The following TBC1D16 variants were observed in gnomAD, a reference collection of about 807,000 sequenced individuals.
The protein encoded by TBC1D16 is TBC1 domain family member 16.
In TBC1D16, 58 loss-of-function variants were observed where a neutral mutation model predicts 74.7. The observed-to-expected ratio is 0.78, with a 90% CI of 0.63 to 0.97. The LOEUF (loss-of-function observed/expected upper bound fraction) is 0.97, where lower values mean the gene tolerates loss of function less well. Ranked by LOEUF, TBC1D16 falls within the 50% of genes least tolerant of loss-of-function variation. The probability of loss-of-function intolerance (pLI) is 0.00; values close to 1 mark genes in which losing one functional copy is unlikely to be tolerated. For missense variants in TBC1D16, 1,014 were observed against 1,079.5 expected, an observed-to-expected ratio of 0.94 and a Z score of 0.85; for synonymous variants, 493 against 474.7, an observed-to-expected ratio of 1.04 and a Z score of -0.50.
intron 3 of TBC1D16, among the ~76,000 whole-genome samples, chr17:79,977,213 C>T (rs1180598692): frequency 6.6e-6 from 1 of 152,216 alleles, no homozygotes; most frequent in Non-Finnish European, 1.5e-5. Context: ...GCCTCCACCA[C>T]CCTCAGTAAG....
intron 1 of TBC1D16, among the ~76,000 whole-genome samples, chr17:80,029,320 C>T (rs1185182301): frequency 6.6e-6 from 1 of 152,094 alleles, no homozygotes; most frequent in Non-Finnish European, 1.5e-5. Flanking sequence ...AGGAGAGGGG[C>T]AGCAGATCTA....
rs1450243271 is a variant in TBC1D16 at position 80,009,125 on chromosome 17, C to T, written c.779+1035G>A. Among the ~76,000 whole-genome samples, 2 of 152,264 alleles carry T rather than the reference C, an allele frequency of 1.3e-5. No individual in the cohort carries two copies. The highest frequency in any genetic ancestry group is 2.4e-5 in the African/African-American group (1 of 41,474). ...GCACACACGTACCATCCATAGCCCA[C>T]GGTGTCCAGCGCCCAGGCGAGACCC... On this transcript the variant is annotated intron_variant, in intron 3 of 11. Coordinates refer to ENST00000310924, the MANE Select transcript of TBC1D16 (RefSeq NM_019020.4). This position sits in a 1 kb window ranked among gnomAD's most constrained non-coding sequence, Gnocchi z 5.4.
chr17:80,003,029 AGAG>A (rs2035549654), intron 3 of TBC1D16, among the ~76,000 whole-genome samples: 1 of 152,140 alleles, frequency 6.6e-6, no homozygotes, highest in South Asian at 2.1e-4. Context: ...TCAGCAGGAG[AGAG>A]GAGAACATTC....
In TBC1D16 at chr17:80,013,587, G is replaced by A. The variant is rs758138047; in HGVS notation, c.-40C>T. On this transcript the variant is annotated 5_prime_UTR_variant, in exon 2 of 12. Transcript: ENST00000310924. Reference sequence around the variant, plus strand: ...TTCCATCCTCCGCATGCGTCGGCCCGGGCAGGGCTCGTCAAGACCTGCCTG... The same window carrying A: ...TTCCATCCTCCGCATGCGTCGGCCCAGGCAGGGCTCGTCAAGACCTGCCTG... The A allele has an allele frequency of 5.4e-5, 78 of 1,453,628 alleles. No homozygotes were observed. Among genetic ancestry groups the A allele is most frequent in the Non-Finnish European group, 7.0e-5 (77 of 1,099,776 alleles). The allele number at this position is 1,453,628 out of a possible 1,614,324, so 90.0% of individuals were successfully genotyped here.
In TBC1D16 at chr17:79,979,289, C is replaced by T. The variant is rs531907332; in HGVS notation, c.780-26471G>A. ...ACCCACGCCCAGAGCACACGCGCTC[C>T]GGGGACGCACACCCACGCCCAGAGC... On this transcript the variant is annotated intron_variant, in intron 3 of 11. Coordinates refer to ENST00000310924, the MANE Select transcript of TBC1D16 (RefSeq NM_019020.4). The surrounding 1 kb of genome is among the most constrained non-coding windows in gnomAD (Gnocchi z 4.8). 2.5e-4 allele frequency among the ~76,000 whole-genome samples: 38 copies of T among 151,302 alleles called. No homozygotes were observed. Among genetic ancestry groups the T allele is most frequent in the African/African-American group, 8.7e-4 (36 of 41,242 alleles).
At position 79,962,371 on chromosome 17, in the gene TBC1D16, C is replaced by T. The variant is rs193073305; in HGVS notation, c.780-9553G>A. Among the ~76,000 whole-genome samples, 296 of 151,746 alleles carry T rather than the reference C, an allele frequency of 2.0e-3. 1 individual carries two copies. The highest frequency in any genetic ancestry group is 6.7e-3 in the African/African-American group (278 of 41,412). ...CTGGGATTACAGGTACCCGCCACCA[C>T]GCCTGGCTAATTTTTGTATTTTTAG... On this transcript the variant is annotated intron_variant, in intron 3 of 11. Transcript: ENST00000310924.
In TBC1D16 at chr17:79,946,518, C is replaced by T. The variant is rs969958646; in HGVS notation, c.1728+1127G>A. On this transcript the variant is annotated intron_variant, in intron 9 of 11. Transcript: ENST00000310924. ...CATTCTATGAGACACACTCCGTGGC[C>T]TGGGGCTGGGGAACCCCGTTCTACA... Among the ~76,000 whole-genome samples the T allele has an allele frequency of 2.0e-5, 3 of 152,210 alleles. No homozygotes were observed. In the East Asian group the frequency reaches 5.8e-4, roughly 29 times the overall value.
At position 80,008,357 on chromosome 17, in the gene TBC1D16, A is replaced by T. The variant is rs145908730; in HGVS notation, c.779+1803T>A. On this transcript the variant is annotated intron_variant, in intron 3 of 11. Coordinates refer to ENST00000310924, the MANE Select transcript of TBC1D16 (RefSeq NM_019020.4). The surrounding 1 kb of genome is among the most constrained non-coding windows in gnomAD (Gnocchi z 4.5). ...GGACTCAACCGGCACTCAACTCCCT[A>T]ACTCCTAAACTTGAGCTCCCTACGA... Among the ~76,000 whole-genome samples the T allele has an allele frequency of 6.6e-6, 1 of 152,060 alleles. No homozygotes were observed.
chr17:79,940,926 G>C lies in TBC1D16; in HGVS notation c.2237C>G (p.Pro746Arg). Residue 746 changes from proline (P) to arginine (R), a missense_variant, in exon 12 of 12, where the codon CCC becomes CGC. Transcript: ENST00000310924. The surrounding 1 kb of genome is among the most constrained non-coding windows in gnomAD (Gnocchi z 5.4). ...CTTCTTGCCTTCCCTCAGGGACTTGGGGGAAGGCATCTCCACCGTGCCCCC... is the reference window on the plus strand; with the variant it reads ...CTTCTTGCCTTCCCTCAGGGACTTGCGGGAAGGCATCTCCACCGTGCCCCC... ...PYGGTVEMPS[P>R]KSLREGKKGP... is the part of the protein sequence containing the mutation. The C allele has an allele frequency of 6.3e-7, 1 of 1,594,232 alleles. No individual in the cohort carries two copies. The highest frequency in any genetic ancestry group is 8.6e-7 in the Non-Finnish European group (1 of 1,168,616).
chr17:80,035,796 C>T lies in TBC1D16; in HGVS notation c.-64G>A, dbSNP rs888550516. The T allele has an allele frequency of 6.8e-6, 1 of 146,792 alleles. No homozygotes were observed. Among genetic ancestry groups the T allele is most frequent in the African/African-American group, 2.4e-5 (1 of 40,864 alleles). The allele number at this position is 146,792 out of a possible 1,614,324, so 9.1% of individuals were successfully genotyped here. ...CCCCGTCCGGGCCCCGATACCCACC[C>T]GGGTCCCGCTGCGGGGGCCGGATTC... On this transcript the variant is annotated splice_region_variant and 5_prime_UTR_variant, in exon 1 of 12. Coordinates refer to ENST00000310924, the MANE Select transcript of TBC1D16 (RefSeq NM_019020.4). The surrounding 1 kb of genome is among the most constrained non-coding windows in gnomAD (Gnocchi z 5.3).
Position 79,971,831 on chromosome 17 carries a change from TGG to T in TBC1D16, c.780-19015_780-19014del. Among the ~76,000 whole-genome samples, 1 of 151,576 alleles carries T rather than the reference TGG, an allele frequency of 6.6e-6. No homozygotes were observed. Among genetic ancestry groups the T allele is most frequent in the South Asian group, 2.1e-4 (1 of 4,784 alleles). ...ACAGGAGCATCCCACGGGGTAGGGA[TGG>T]GGGCTCTGGAAGGCTTCCTCTCGGA... On this transcript the variant is annotated intron_variant, in intron 3 of 11. Transcript: ENST00000310924. This position sits in a 1 kb window ranked among gnomAD's most constrained non-coding sequence, Gnocchi z 4.6.
In TBC1D16 at chr17:79,954,266, A is replaced by G. The variant is rs111770270; in HGVS notation, c.780-1448T>C. On this transcript the variant is annotated intron_variant, in intron 3 of 11. Coordinates refer to ENST00000310924, the MANE Select transcript of TBC1D16 (RefSeq NM_019020.4). This position sits in a 1 kb window ranked among gnomAD's most constrained non-coding sequence, Gnocchi z 5.5. ...GGCACTTCCTCCTCCAAGAAGCACC[A>G]GGTCTAAGTAAATAAAGCTCCTTTG... 2.0e-3 allele frequency among the ~76,000 whole-genome samples: 308 copies of G among 152,278 alleles called. 2 individuals are homozygous for G. The highest frequency in any genetic ancestry group is 7.0e-3 in the African/African-American group (289 of 41,536).
At position 79,944,003 on chromosome 17, in the gene TBC1D16, GA is replaced by G. The variant is rs1213314714; in HGVS notation, c.1908+904del. ...ACGTCCAGCAGGCTGAGCCAGGAGG[GA>G]AACCTAGACCCGGGCCAGGGGCGAG... On this transcript the variant is annotated intron_variant, in intron 10 of 11. Transcript: ENST00000310924. The surrounding 1 kb of genome is among the most constrained non-coding windows in gnomAD (Gnocchi z 7.7). The G allele has an allele frequency of 1.3e-6, 2 of 1,531,098 alleles. No homozygotes were observed. Among genetic ancestry groups the G allele is most frequent in the Non-Finnish European group, 1.7e-6 (2 of 1,143,250 alleles). The allele number at this position is 1,531,098 out of a possible 1,614,324, so 94.8% of individuals were successfully genotyped here.
chr17:79,952,689 C>G lies in TBC1D16; in HGVS notation c.909G>C (p.Leu303=). The change falls in exon 4 of 12, where the codon CTG becomes CTC. Residue 303 remains leucine (L), a synonymous_variant. Coordinates refer to ENST00000310924, the MANE Select transcript of TBC1D16 (RefSeq NM_019020.4). ...AAAGGCGGAGGGAGCGCATGTGGCC[C>G]AGGTCCACGCGGAACACGCCGCAAA... ...EQICGVFRVD[L]GHMRSLRLFF... 1.2e-6 allele frequency: 2 copies of G among 1,606,544 alleles called. No individual in the cohort carries two copies. Among genetic ancestry groups the G allele is most frequent in the Non-Finnish European group, 1.7e-6 (2 of 1,174,590 alleles).
intron 3 of TBC1D16, among the ~76,000 whole-genome samples, chr17:79,958,137 T>C (rs2033426016): frequency 6.6e-6 from 1 of 151,434 alleles, no homozygotes; most frequent in Admixed American, 6.6e-5. Context: ...TAACAAATTA[T>C]AAAATCTAGT....
intron 1 of TBC1D16, among the ~76,000 whole-genome samples, chr17:80,016,318 A>G (rs2036089224): frequency 1.3e-5 from 2 of 152,128 alleles, no homozygotes; most frequent in Non-Finnish European, 2.9e-5. Context: ...TGGGAGGATG[A>G]AAGCGTCCTG....
At position 80,007,361 on chromosome 17, in the gene TBC1D16, G is replaced by C. The variant is rs144374820; in HGVS notation, c.779+2799C>G. On this transcript the variant is annotated intron_variant, in intron 3 of 11. Transcript: ENST00000310924. The surrounding 1 kb of genome is among the most constrained non-coding windows in gnomAD (Gnocchi z 4.5). ...GACTCTGCCCTACAAGGGGGTTCTTGGCCGCACTTCACACCCGTGAGGCAT... is the reference window on the plus strand; with the variant it reads ...GACTCTGCCCTACAAGGGGGTTCTTCGCCGCACTTCACACCCGTGAGGCAT... Among the ~76,000 whole-genome samples the C allele has an allele frequency of 6.6e-6, 1 of 152,354 alleles. No individual in the cohort carries two copies. Among genetic ancestry groups the C allele is most frequent in the African/African-American group, 2.4e-5 (1 of 41,590 alleles).
rs1188787224 is a variant in TBC1D16, at chr17:79,964,313, T to C, written c.780-11495A>G. 2.0e-5 allele frequency among the ~76,000 whole-genome samples: 3 copies of C among 152,330 alleles called. No homozygotes were observed. The East Asian group carries it at 5.8e-4, about 29-fold the overall frequency. On this transcript the variant is annotated intron_variant, in intron 3 of 11. Transcript: ENST00000310924. ...TTGTTGTTGAGTTTTAGGAGTTCTC[T>C]ATAAATCCTGGACAATTATTCCTTA...
intron 1 of TBC1D16, among the ~76,000 whole-genome samples, chr17:80,034,294 G>A (rs989832323): frequency 6.7e-6 from 1 of 148,564 alleles, no homozygotes; most frequent in Non-Finnish European, 1.5e-5. Flanking sequence ...TTCGCCTCCC[G>A]AGCTCAAGCG....
Sources: gnomAD v4.1 joint callset for allele counts (sites outside exome capture counted in the v4.1 genomes callset) on GRCh38, gnomAD v4.1.1 for gene constraint, Gnocchi (gnomAD v3.1) non-coding constraint, MANE v1.5 for transcripts, NCBI Gene and HGNC (gene_info 2026-07-23, HGNC 2026-07-21) for gene names.